The following DNAJC2 variants were observed in gnomAD, a reference collection of about 807,000 sequenced individuals.
The protein encoded by DNAJC2 is DnaJ heat shock protein family (Hsp40) member C2.
A neutral mutation model predicts 94.0 loss-of-function variants in DNAJC2; 32 were observed. That is an observed-to-expected ratio of 0.34 (90% CI 0.26 to 0.46). DNAJC2 has a LOEUF of 0.46. Ranked by LOEUF, DNAJC2 falls within the 20% of genes least tolerant of loss-of-function variation. The probability of loss-of-function intolerance (pLI) is 1.00; values close to 1 mark genes in which losing one functional copy is unlikely to be tolerated. For missense variants in DNAJC2, 550 were observed against 719.5 expected (o/e 0.76, Z 2.69); for synonymous variants, 210 against 229.7 (o/e 0.91, Z 0.77).
intron 15 of DNAJC2, chr7:103,314,650 TA>T (rs1231879190): frequency 1.0e-6 from 1 of 985,278 alleles, no homozygotes; most frequent in Admixed American, 6.2e-5. Flanking sequence ...CCTTGTTACT[TA>T]CCTTTATTAA....
At chr7:103,335,112 G>A (rs1819118878) in intron 3 of DNAJC2, 1 of 152,184 alleles carries the variant, frequency 6.6e-6, no homozygotes, top group African/African-American at 2.4e-5. Flanking sequence ...AGGATTACAA[G>A]TGTGAGCCAC....
intron 12 of DNAJC2, among the ~76,000 whole-genome samples, chr7:103,318,295 A>G (rs984481989): frequency 3.3e-5 from 5 of 152,130 alleles, no homozygotes; most frequent in African/African-American, 1.2e-4. Context: ...CCTCCTGAGA[A>G]GTTGGGACTA....
intron 2 of DNAJC2, 74 bp from the exon 3 acceptor site, chr7:103,337,885 T>C: frequency 9.5e-7 from 1 of 1,048,274 alleles, no homozygotes; most frequent in Non-Finnish European, 1.5e-6. Context: ...TTCTGGTACC[T>C]TAATAAGCAT....
intron 4 of DNAJC2, chr7:103,327,322 G>T: frequency 8.0e-7 from 1 of 1,253,072 alleles, no homozygotes; most frequent in Non-Finnish European, 1.0e-6. Context: ...TCATTAAATA[G>T]AACACTTACA....
Position 103,319,684 on chromosome 7 carries a change from GAAAA to G in DNAJC2, c.1173-10_1173-7del. 6.3e-7 allele frequency: 1 copy of G among 1,597,832 alleles called. No individual in the cohort carries two copies. Among genetic ancestry groups the G allele is most frequent in the Admixed American group, 1.7e-5 (1 of 58,802 alleles). On this transcript the variant is annotated splice_polypyrimidine_tract_variant and splice_region_variant and intron_variant, in intron 11 of 16. Transcript: ENST00000379263. ...TTTCATTCAAGCACTGTAAGCTAAA[GAAAA>G]AAAAAGAAGAAATGAAACTTTATCC...
At chr7:103,314,905 C>T (rs1817961627) in intron 15 of DNAJC2, among the ~76,000 whole-genome samples, 2 of 152,142 alleles carry the variant, frequency 1.3e-5, no homozygotes, top group African/African-American at 4.8e-5. Flanking sequence ...TGGTGGCTCA[C>T]AAAACATGAA....
intron 10 of DNAJC2, among the ~76,000 whole-genome samples, chr7:103,320,568 G>T (rs1006259627): frequency 6.6e-6 from 1 of 151,128 alleles, no homozygotes; most frequent in African/African-American, 2.4e-5. Context: ...AGACCATCCT[G>T]GCTAACACAG....
intron 12 of DNAJC2, among the ~76,000 whole-genome samples, chr7:103,318,563 C>G (rs900600413): frequency 2.6e-5 from 4 of 152,240 alleles, no homozygotes; most frequent in African/African-American, 9.6e-5. Context: ...CCTTAAGGTT[C>G]TTCTCAGGTT....
rs1818022104 is a variant in DNAJC2 at position 103,315,849 on chromosome 7, T to C, written c.1551A>G (p.Ile517Met). Reference sequence around the variant, plus strand: ...TGAACTTATCAAATGCCTTTTTATTTATGTCATCTTTTTGATGAGGGTCTG... The same window carrying C: ...TGAACTTATCAAATGCCTTTTTATTCATGTCATCTTTTTGATGAGGGTCTG... ...QKLDPHQKDD[I>M]NKKAFDKFKK... Residue 517 changes from isoleucine (I) to methionine (M), a missense_variant, in exon 15 of 17, where the codon ATA becomes ATG. Ile to Met is a conservative substitution (Grantham distance 10, BLOSUM62 1). Coordinates refer to ENST00000379263, the MANE Select transcript of DNAJC2 (RefSeq NM_014377.3). 1 of 1,613,414 alleles carries C rather than the reference T, an allele frequency of 6.2e-7. No homozygotes were observed. Among genetic ancestry groups the C allele is most frequent in the East Asian group, 2.2e-5 (1 of 44,856 alleles).
At chr7:103,325,963 A>G (rs1270416094) in intron 5 of DNAJC2, among the ~76,000 whole-genome samples, 2 of 152,206 alleles carry the variant, frequency 1.3e-5, no homozygotes, top group Non-Finnish European at 2.9e-5. Context: ...GAATCACACT[A>G]TAAAAGTCAG....
chr7:103,323,278 C>A (rs1265677590), intron 7 of DNAJC2, among the ~76,000 whole-genome samples: 1 of 151,884 alleles, frequency 6.6e-6, no homozygotes, highest in African/African-American at 2.4e-5. Flanking sequence ...TTTGCACATT[C>A]ATGTCAAAAG....
chr7:103,312,931 CG>C lies in DNAJC2; in HGVS notation c.1791+15del. The stretch of plus-strand genomic sequence containing the variant: ...AATTTAAAATACAACAATCTATAAA[CG>C]CTTAAGTCTGCAACCTTGTATCGTT... On this transcript the variant is annotated intron_variant, in intron 16 of 16. Transcript: ENST00000379263. The C allele has an allele frequency of 6.2e-7, 1 of 1,601,272 alleles. No homozygotes were observed. The highest frequency in any genetic ancestry group is 8.5e-7 in the Non-Finnish European group (1 of 1,176,712).
intron 6 of DNAJC2, among the ~76,000 whole-genome samples, 177 bp from the exon 7 acceptor site, chr7:103,323,840 C>G (rs967259093): frequency 2.0e-5 from 3 of 152,144 alleles, no homozygotes; most frequent in African/African-American, 7.2e-5. Context: ...ATCTAAAATG[C>G]ACATATCACT....
chr7:103,329,582 C>A (rs1737322037), intron 3 of DNAJC2: 1 of 152,012 alleles, frequency 6.6e-6, no homozygotes, highest in African/African-American at 2.4e-5. Context: ...ATTTTTTAAT[C>A]TTTTTGGAAT....
chr7:103,342,661 T>G (rs2116070010), intron 1 of DNAJC2, among the ~76,000 whole-genome samples: 1 of 147,264 alleles, frequency 6.8e-6, no homozygotes, highest in East Asian at 2.0e-4. Context: ...CAGGCTGGAG[T>G]GCAATGGCGC....
intron 10 of DNAJC2, among the ~76,000 whole-genome samples, chr7:103,321,378 C>T (rs905289555): frequency 3.3e-5 from 5 of 151,610 alleles, no homozygotes; most frequent in Admixed American, 6.6e-5. Flanking sequence ...ATTAGCCAGG[C>T]GTGGTGGCAG....
chr7:103,312,918 A>G, intron 16 of DNAJC2, 29 bp downstream of exon 16: 2 of 1,591,716 alleles, frequency 1.3e-6, no homozygotes, highest in South Asian at 2.3e-5. Flanking sequence ...TTTAAAATAC[A>G]ACAATCTATA....
At chr7:103,336,792 T>C (rs1247282122) in intron 3 of DNAJC2, 1 of 152,238 alleles carries the variant, frequency 6.6e-6, no homozygotes, top group Non-Finnish European at 1.5e-5. Flanking sequence ...ACAAATCCAG[T>C]TTAAAATAAT....
intron 3 of DNAJC2, among the ~76,000 whole-genome samples, chr7:103,334,212 A>C (rs1159532974): frequency 6.6e-6 from 1 of 151,678 alleles, no homozygotes; most frequent in Non-Finnish European, 1.5e-5. Flanking sequence ...TGGCCTCCCA[A>C]AGTGCTGGGA....
Sources: gnomAD v4.1 joint callset for allele counts (sites outside exome capture counted in the v4.1 genomes callset) on GRCh38, gnomAD v4.1.1 for gene constraint, MANE v1.5 for transcripts, NCBI Gene and HGNC (gene_info 2026-07-23, HGNC 2026-07-21) for gene names.